NDUFAF2: variants seen among roughly 807,000 people sequenced by gnomAD.
NDUFAF2 encodes the protein NADH:ubiquinone oxidoreductase complex assembly factor 2, also known as NADH dehydrogenase [ubiquinone] 1 alpha subcomplex assembly factor 2.
Under a neutral mutation model 22.8 loss-of-function variants are expected in NDUFAF2, and 13 were observed. The observed-to-expected ratio is 0.57, with a 90% CI of 0.37 to 0.91. NDUFAF2 has a LOEUF of 0.91. Ranked by LOEUF, NDUFAF2 falls within the 40% of genes least tolerant of loss-of-function variation. The pLI is 0.01. For missense variants in NDUFAF2, 162 were observed against 195.2 expected, an observed-to-expected ratio of 0.83 and a Z score of 1.01; for synonymous variants, 53 against 64.2, an observed-to-expected ratio of 0.83 and a Z score of 0.84.
At chr5:61,000,443 G>A (rs1438880601) in intron 1 of NDUFAF2, among the ~76,000 whole-genome samples, 2 of 152,076 alleles carry the variant, frequency 1.3e-5, no homozygotes, top group African/African-American at 4.8e-5. Context: ...GTTAAGAAAT[G>A]CTTTATTTAG....
At chr5:61,087,019 C>G (rs1752512193) in intron 2 of NDUFAF2, among the ~76,000 whole-genome samples, 1 of 152,152 alleles carries the variant, frequency 6.6e-6, no homozygotes, top group African/African-American at 2.4e-5. Context: ...CCACACTCTT[C>G]TACCCCATTC....
chr5:61,007,722 A>C (rs1751386850), intron 1 of NDUFAF2, among the ~76,000 whole-genome samples: 1 of 152,198 alleles, frequency 6.6e-6, no homozygotes, highest in Non-Finnish European at 1.5e-5. Context: ...AACTAGTTCA[A>C]CCATTGTGGA....
chr5:60,977,752 G>A (rs959822946), intron 1 of NDUFAF2, among the ~76,000 whole-genome samples: 7 of 150,640 alleles, frequency 4.6e-5, no homozygotes, highest in Non-Finnish European at 8.8e-5. Flanking sequence ...CAGGAGAATC[G>A]CTTGAACCTG....
chr5:60,987,066 TAAAC>T (rs1751091730), intron 1 of NDUFAF2, among the ~76,000 whole-genome samples: 1 of 150,600 alleles, frequency 6.6e-6, no homozygotes, highest in Admixed American at 6.6e-5. Flanking sequence ...AAGATCCAAA[TAAAC>T]AAAATTAGAA....
chr5:60,982,054 A>C (rs1168995980), intron 1 of NDUFAF2, among the ~76,000 whole-genome samples: 1 of 152,214 alleles, frequency 6.6e-6, no homozygotes, highest in Non-Finnish European at 1.5e-5. Context: ...AAATTTCCCC[A>C]CAAGCACAAA....
intron 3 of NDUFAF2, among the ~76,000 whole-genome samples, chr5:61,147,888 G>A (rs1312802519): frequency 6.6e-6 from 1 of 152,024 alleles, no homozygotes; most frequent in Non-Finnish European, 1.5e-5. Flanking sequence ...GGTGTTCAAC[G>A]AGCTCTCCCT....
intron 1 of NDUFAF2, among the ~76,000 whole-genome samples, chr5:61,064,768 GT>G (rs1752208264): frequency 6.6e-6 from 1 of 151,842 alleles, no homozygotes; most frequent in African/African-American, 2.4e-5. Context: ...TAATGCCTAT[GT>G]TAAAAAGAAG....
At chr5:60,958,352 G>A (rs2112566136) in intron 1 of NDUFAF2, among the ~76,000 whole-genome samples, 1 of 152,216 alleles carries the variant, frequency 6.6e-6, no homozygotes, top group South Asian at 2.1e-4. Flanking sequence ...ATGAATCATA[G>A]GCTATTTTAA....
At chr5:61,020,388 T>G (rs746752486) in intron 1 of NDUFAF2, among the ~76,000 whole-genome samples, 42 of 152,198 alleles carry the variant, frequency 2.8e-4, no homozygotes, top group Non-Finnish European at 5.6e-4. Flanking sequence ...TTTTCTGTTA[T>G]AAACAGGGCT....
chr5:61,149,032 G>A (rs1050395143), intron 3 of NDUFAF2, among the ~76,000 whole-genome samples: 1 of 152,046 alleles, frequency 6.6e-6, no homozygotes, highest in Non-Finnish European at 1.5e-5. Context: ...GTGCAGTGGC[G>A]TGATCTCAGC....
chr5:61,078,655 T>C (rs1409577766), intron 2 of NDUFAF2, among the ~76,000 whole-genome samples: 1 of 152,094 alleles, frequency 6.6e-6, no homozygotes, highest in East Asian at 1.9e-4. Flanking sequence ...GTGGAAGGAT[T>C]GCTTAAGCCT....
chr5:60,982,050 C>T (rs914707447), intron 1 of NDUFAF2, among the ~76,000 whole-genome samples: 2 of 152,078 alleles, frequency 1.3e-5, no homozygotes, highest in Non-Finnish European at 2.9e-5. Flanking sequence ...GCAAAAATTT[C>T]CCCACAAGCA....
intron 1 of NDUFAF2, among the ~76,000 whole-genome samples, chr5:61,035,240 T>C (rs1751783183): frequency 2.0e-5 from 3 of 151,846 alleles, no homozygotes; most frequent in African/African-American, 7.2e-5. Flanking sequence ...ATAATTTTCG[T>C]ATTTTTAGTA....
At chr5:60,950,519 TA>T (rs1172234045) in intron 1 of NDUFAF2, among the ~76,000 whole-genome samples, 4 of 152,146 alleles carry the variant, frequency 2.6e-5, no homozygotes, top group African/African-American at 7.2e-5. Context: ...GTGTTAGCTA[TA>T]ATTTTTTAGA....
intron 1 of NDUFAF2, among the ~76,000 whole-genome samples, chr5:61,029,058 A>T (rs1456638107): frequency 2.6e-5 from 4 of 152,130 alleles, no homozygotes; most frequent in Non-Finnish European, 4.4e-5. Context: ...GTTGTATTTT[A>T]GTTACACATT....
chr5:60,987,860 G>A (rs1033268041), intron 1 of NDUFAF2, among the ~76,000 whole-genome samples: 1 of 152,104 alleles, frequency 6.6e-6, no homozygotes, highest in African/African-American at 2.4e-5. Context: ...CTTGAAAACT[G>A]GCAAAAGACC....
At chr5:61,063,411 A>G (rs1347450240) in intron 1 of NDUFAF2, among the ~76,000 whole-genome samples, 1 of 151,734 alleles carries the variant, frequency 6.6e-6, no homozygotes, top group Admixed American at 6.6e-5. Context: ...AGGCAGGAGG[A>G]TCATTTGAGA....
At chr5:60,961,369 G>T (rs865888617) in intron 1 of NDUFAF2, among the ~76,000 whole-genome samples, 5 of 152,234 alleles carry the variant, frequency 3.3e-5, no homozygotes, top group Middle Eastern at 3.4e-3. Context: ...GCCAAGGCGG[G>T]TGGGTCACGA....
At chr5:61,025,873 A>G (rs1263891494) in intron 1 of NDUFAF2, among the ~76,000 whole-genome samples, 1 of 152,062 alleles carries the variant, frequency 6.6e-6, no homozygotes, top group East Asian at 1.9e-4. Context: ...TAAAACATAT[A>G]TTAATGGTTT....
Sources: gnomAD v4.1 joint callset for allele counts (sites outside exome capture counted in the v4.1 genomes callset) on GRCh38, gnomAD v4.1.1 for gene constraint, MANE v1.5 for transcripts, NCBI Gene and HGNC (gene_info 2026-07-23, HGNC 2026-07-21) for gene names.